Variants in ADGRB1 observed in about 807,000 individuals in gnomAD.
The protein encoded by ADGRB1 is brain-specific angiogenesis inhibitor 1.
Under a neutral mutation model 175.7 loss-of-function variants are expected in ADGRB1, and 36 were observed. That is an observed-to-expected ratio of 0.20 (90% CI 0.16 to 0.27). ADGRB1 has a LOEUF of 0.27. Ranked by LOEUF, ADGRB1 falls within the 10% of genes least tolerant of loss-of-function variation. ADGRB1 has a pLI of 1.00. For missense variants in ADGRB1, 1,731 were observed against 2,255.3 expected, an observed-to-expected ratio of 0.77 and a Z score of 4.71; for synonymous variants, 1,054 against 979.4, an observed-to-expected ratio of 1.08 and a Z score of -1.42.
intron 9 of ADGRB1, 129 bp downstream of exon 9, chr8:142,479,923 G>C (rs544440442): frequency 1.3e-5 from 14 of 1,054,972 alleles, no homozygotes; most frequent in Non-Finnish European, 1.7e-5. Flanking sequence ...GTGTGCTGGC[G>C]CGGGGTGGTG....
intron 18 of ADGRB1, among the ~76,000 whole-genome samples, chr8:142,512,426 C>A (rs1421728887): frequency 1.3e-5 from 2 of 152,176 alleles, no homozygotes; most frequent in African/African-American, 4.8e-5. Context: ...GAAGCTGGAC[C>A]AGGCAAGGCA....
At chr8:142,482,464 A>G (rs1389626492) in intron 11 of ADGRB1, among the ~76,000 whole-genome samples, 1 of 148,074 alleles carries the variant, frequency 6.8e-6, no homozygotes, top group African/African-American at 2.5e-5. Context: ...CCTTGGTCAC[A>G]TGCTGAACCC....
chr8:142,515,144 G>T (rs1357142912), intron 18 of ADGRB1, among the ~76,000 whole-genome samples: 3 of 152,156 alleles, frequency 2.0e-5, no homozygotes, highest in African/African-American at 7.2e-5. Flanking sequence ...TCCGAGAATT[G>T]GTGACTTCTG....
At chr8:142,471,611 C>T (rs1461643738) in intron 2 of ADGRB1, among the ~76,000 whole-genome samples, 1 of 152,254 alleles carries the variant, frequency 6.6e-6, no homozygotes, top group South Asian at 2.1e-4. Context: ...GCAGGGCCTA[C>T]GTGAGGCTTT....
chr8:142,536,193 C>A (rs555332017), intron 25 of ADGRB1, among the ~76,000 whole-genome samples: 2 of 151,218 alleles, frequency 1.3e-5, no homozygotes, highest in African/African-American at 4.9e-5. Context: ...TCCAGGAAGC[C>A]CTCTGTGCTT....
At chr8:142,534,054 A>T (rs1293480297) in intron 25 of ADGRB1, among the ~76,000 whole-genome samples, 1 of 152,196 alleles carries the variant, frequency 6.6e-6, no homozygotes, top group Non-Finnish European at 1.5e-5. Flanking sequence ...GTCCCCCTGG[A>T]GAGACGGCAG....
At chr8:142,512,077 G>C (rs1843138819) in intron 18 of ADGRB1, among the ~76,000 whole-genome samples, 2 of 152,246 alleles carry the variant, frequency 1.3e-5, no homozygotes, top group South Asian at 2.1e-4. Context: ...GATGTTGGCA[G>C]CTGGGGTCTC....
chr8:142,477,059 G>T, intron 4 of ADGRB1, 55 bp from the exon 5 acceptor site: 1 of 1,459,518 alleles, frequency 6.9e-7, no homozygotes, highest in South Asian at 1.4e-5. Flanking sequence ...TCTGGCCCCG[G>T]TCTGACTGCA....
At chr8:142,517,581 G>T (rs1360943802) in intron 18 of ADGRB1, among the ~76,000 whole-genome samples, 1 of 152,022 alleles carries the variant, frequency 6.6e-6, no homozygotes, top group Non-Finnish European at 1.5e-5. Flanking sequence ...AACAGAGAGC[G>T]AGGGGTGGGA....
At chr8:142,452,842 C>T (rs1291298299) in intron 1 of ADGRB1, among the ~76,000 whole-genome samples, 2 of 151,164 alleles carry the variant, frequency 1.3e-5, no homozygotes, top group Non-Finnish European at 3.0e-5. Context: ...CCGCGGGGCT[C>T]CAGGCCCAGG....
chr8:142,464,108 G>A lies in ADGRB1; in HGVS notation c.-91G>A, dbSNP rs1267384737. ...CCCGCCTCCCTGCCCCCACCGGGCC[G>A]GCCCTGCCCGCCGCCGGACCCTGGC... is the stretch of plus-strand genomic sequence containing the variant. On this transcript the variant is annotated 5_prime_UTR_variant, in exon 2 of 31. Coordinates refer to ENST00000517894, the MANE Select transcript of ADGRB1 (RefSeq NM_001702.3). 4.9e-6 allele frequency: 2 copies of A among 407,582 alleles called. No individual in the cohort carries two copies. Among genetic ancestry groups the A allele is most frequent in the Non-Finnish European group, 6.6e-6 (2 of 301,830 alleles). The allele number at this position is 407,582 out of a possible 1,614,324, so 25.2% of individuals were successfully genotyped here. A position where few individuals can be genotyped will look rare whatever the true frequency, so the allele number is the denominator to read the frequency against.
At chr8:142,460,862 C>G (rs1360205606) in intron 1 of ADGRB1, among the ~76,000 whole-genome samples, 1 of 152,224 alleles carries the variant, frequency 6.6e-6, no homozygotes, top group Non-Finnish European at 1.5e-5. Context: ...ATGCCACTCC[C>G]TCGCCATCAC....
chr8:142,539,350 T>G, intron 26 of ADGRB1, 24 bp from the exon 27 acceptor site: 1 of 1,569,542 alleles, frequency 6.4e-7, no homozygotes, highest in Non-Finnish European at 8.6e-7. Flanking sequence ...GCGCTCACCC[T>G]GCCCTGTTGT....
At chr8:142,533,915 A>G (rs1844777521) in intron 25 of ADGRB1, among the ~76,000 whole-genome samples, 1 of 152,180 alleles carries the variant, frequency 6.6e-6, no homozygotes. Flanking sequence ...CACGATTGGG[A>G]TGCTCTTGCG....
In ADGRB1 at chr8:142,464,126, A is replaced by G; in HGVS notation, c.-73A>G. ...CCGGGCCGGCCCTGCCCGCCGCCGG[A>G]CCCTGGCATGTCAAGACCTGGTCCG... On this transcript the variant is annotated 5_prime_UTR_variant, in exon 2 of 31. Coordinates refer to ENST00000517894, the MANE Select transcript of ADGRB1 (RefSeq NM_001702.3). The G allele has an allele frequency of 6.5e-6, 6 of 920,442 alleles. No homozygotes were observed. Among genetic ancestry groups the G allele is most frequent in the Non-Finnish European group, 7.8e-6 (6 of 769,266 alleles). The allele number at this position is 920,442 out of a possible 1,614,324, so 57.0% of individuals were successfully genotyped here. A position where few individuals can be genotyped will look rare whatever the true frequency, so the allele number is the denominator to read the frequency against.
rs2131844842 is a variant in ADGRB1, at chr8:142,483,970, T to C, written c.2131-7T>C. ...CTGTCACTGGCCCTTCTTCCTCTTC[T>C]TTCCAGAACTTTGTCCAGATCCTTA... On this transcript the variant is annotated splice_polypyrimidine_tract_variant and splice_region_variant and intron_variant, in intron 11 of 30. Coordinates refer to ENST00000517894, the MANE Select transcript of ADGRB1 (RefSeq NM_001702.3). The C allele has an allele frequency of 1.9e-6, 3 of 1,613,062 alleles. No individual in the cohort carries two copies. The highest frequency in any genetic ancestry group is 2.5e-6 in the Non-Finnish European group (3 of 1,179,600).
chr8:142,523,330 G>C (rs1843970805), intron 22 of ADGRB1, among the ~76,000 whole-genome samples: 1 of 151,930 alleles, frequency 6.6e-6, no homozygotes, highest in Non-Finnish European at 1.5e-5. Context: ...GGCTTGAAGG[G>C]AGGGCCTGGC....
At chr8:142,540,644 C>T (rs1043426939) in intron 27 of ADGRB1, among the ~76,000 whole-genome samples, 1 of 152,140 alleles carries the variant, frequency 6.6e-6, no homozygotes, top group Non-Finnish European at 1.5e-5. Context: ...ACGTGCCAGG[C>T]GCTCGTTCTG....
intron 24 of ADGRB1, among the ~76,000 whole-genome samples, chr8:142,532,095 G>A (rs1844653349): frequency 6.6e-6 from 1 of 152,104 alleles, no homozygotes; most frequent in South Asian, 2.1e-4. Context: ...CGCACACCTG[G>A]GCCCCCTACT....
Sources: gnomAD v4.1 joint callset for allele counts (sites outside exome capture counted in the v4.1 genomes callset) on GRCh38, gnomAD v4.1.1 for gene constraint, MANE v1.5 for transcripts, NCBI Gene and HGNC (gene_info 2026-07-23, HGNC 2026-07-21) for gene names.